Variants in TRAF3 observed in about 807,000 individuals in gnomAD.
TRAF3 encodes TNF receptor-associated factor 3.
TRAF3 carries 13 observed loss-of-function variants against 62.3 expected under a neutral mutation model. The observed-to-expected ratio is 0.21, with a 90% CI of 0.14 to 0.33. The LOEUF is 0.33. Among genes scored for constraint, TRAF3 ranks in the 10% least tolerant of loss-of-function variants. TRAF3 has a pLI of 1.00. For synonymous variants in TRAF3, 269 were observed against 283.4 expected (o/e 0.95, Z 0.51); for missense variants, 440 against 741.8 (o/e 0.59, Z 4.73).
rs928641148 is a variant in TRAF3 at position 102,826,407 on chromosome 14, C to T, written c.-156-3927C>T. Among the ~76,000 whole-genome samples the T allele has an allele frequency of 2.6e-5, 4 of 152,140 alleles. No homozygotes were observed. Among genetic ancestry groups the T allele is most frequent in the Non-Finnish European group, 4.4e-5 (3 of 68,028 alleles). On this transcript the variant is annotated intron_variant, in intron 1 of 11. Transcript: ENST00000392745. The surrounding 1 kb of genome is among the most constrained non-coding windows in gnomAD (Gnocchi z 4.6). ...TGACCGCCACTGCAGGGCTTCTGTGCGGGGGCAGCTGCAGAGCCGCCGCTT... is the reference window on the plus strand; with the variant it reads ...TGACCGCCACTGCAGGGCTTCTGTGTGGGGGCAGCTGCAGAGCCGCCGCTT...
At position 102,908,068 on chromosome 14, in the gene TRAF3, A is replaced by G. The variant is rs919474819; in HGVS notation, c.*2284A>G. On this transcript the variant is annotated 3_prime_UTR_variant, in exon 12 of 12. Coordinates refer to ENST00000392745, the MANE Select transcript of TRAF3 (RefSeq NM_145725.3). ...TCCCCTTCACAAAATGTATAATATT[A>G]GATGAAGGATATGCAACATCTTGGT... The G allele has an allele frequency of 3.3e-5, 5 of 152,280 alleles. No homozygotes were observed. The highest frequency in any genetic ancestry group is 1.2e-4 in the African/African-American group (5 of 41,478). The allele number at this position is 152,280 out of a possible 1,614,324, so 9.4% of individuals were successfully genotyped here.
chr14:102,812,592 C>CTAGT (rs1400343411), intron 1 of TRAF3, among the ~76,000 whole-genome samples: 3 of 152,252 alleles, frequency 2.0e-5, no homozygotes, highest in African/African-American at 7.2e-5. Flanking sequence ...AGTGGCTGTA[C>CTAGT]TAGTTTACAT....
At chr14:102,872,698 T>TCTTTTTTTTTTG (rs1003028312) in intron 4 of TRAF3, among the ~76,000 whole-genome samples, 1 of 115,734 alleles carries the variant, frequency 8.6e-6, no homozygotes, top group African/African-American at 6.4e-5. Flanking sequence ...TTCTTCTTTT[T>TCTTTTTTTTTTG]CTTTTTTTTT....
At chr14:102,901,845 A>G (rs1484073032) in intron 10 of TRAF3, among the ~76,000 whole-genome samples, 2 of 152,256 alleles carry the variant, frequency 1.3e-5, no homozygotes, top group Admixed American at 6.5e-5. Context: ...CAAAAGGAGA[A>G]GTGAATTCAG....
intron 1 of TRAF3, among the ~76,000 whole-genome samples, chr14:102,815,561 G>T (rs1899468037): frequency 6.6e-6 from 1 of 152,088 alleles, no homozygotes; most frequent in East Asian, 1.9e-4. Context: ...GTCAATTTTT[G>T]TGGTGTGAGA....
intron 1 of TRAF3, among the ~76,000 whole-genome samples, chr14:102,791,607 C>CAGA (rs1897794832): frequency 1.3e-5 from 2 of 152,104 alleles, no homozygotes; most frequent in Admixed American, 1.3e-4. Context: ...TTTCTTTATA[C>CAGA]AGAATCATGT....
rs1167951766 is a variant in TRAF3 at position 102,909,879 on chromosome 14, G to A, written c.*4095G>A. ...GGCGTCTGGTGGTAGTCAGCATGGTGGACCCACATCCTACAGCCAGAGGTG... is the reference window on the plus strand; with the variant it reads ...GGCGTCTGGTGGTAGTCAGCATGGTAGACCCACATCCTACAGCCAGAGGTG... On this transcript the variant is annotated 3_prime_UTR_variant, in exon 12 of 12. Coordinates refer to ENST00000392745, the MANE Select transcript of TRAF3 (RefSeq NM_145725.3). The A allele has an allele frequency of 6.6e-6, 1 of 152,268 alleles. No individual in the cohort carries two copies. The highest frequency in any genetic ancestry group is 1.5e-5 in the Non-Finnish European group (1 of 68,068). The allele number at this position is 152,268 out of a possible 1,614,324, so 9.4% of individuals were successfully genotyped here.
chr14:102,854,001 G>A (rs1644346918), intron 2 of TRAF3, among the ~76,000 whole-genome samples: 1 of 152,226 alleles, frequency 6.6e-6, no homozygotes, highest in East Asian at 1.9e-4. Context: ...CTATGAATTT[G>A]CCTATTCTGG....
At position 102,909,723 on chromosome 14, in the gene TRAF3, CT is replaced by C. The variant is rs1448631109; in HGVS notation, c.*3940del. 1 of 152,332 alleles carries C rather than the reference CT, an allele frequency of 6.6e-6. No homozygotes were observed. The highest frequency in any genetic ancestry group is 2.4e-5 in the African/African-American group (1 of 41,476). 9.4% of individuals were successfully genotyped at this position (152,332 alleles called of 1,614,324 possible). On this transcript the variant is annotated 3_prime_UTR_variant, in exon 12 of 12. Coordinates refer to ENST00000392745, the MANE Select transcript of TRAF3 (RefSeq NM_145725.3). Reference sequence around the variant, plus strand: ...GAGGATGCAGTTCTAGGCACAGCCCCTGGGACAGCCAGCTGCCTCCCAGACC... The same window carrying C: ...GAGGATGCAGTTCTAGGCACAGCCCCGGGACAGCCAGCTGCCTCCCAGACC...
chr14:102,853,062 C>T (rs780437587), intron 2 of TRAF3, among the ~76,000 whole-genome samples: 45 of 152,052 alleles, frequency 3.0e-4, no homozygotes, highest in East Asian at 5.8e-4. Flanking sequence ...CCACCACGTC[C>T]GGCTAATTTT....
chr14:102,885,204 TC>T (rs2139910697), intron 6 of TRAF3, among the ~76,000 whole-genome samples: 1 of 152,214 alleles, frequency 6.6e-6, no homozygotes, highest in Admixed American at 6.5e-5. Context: ...AGGACGAGCT[TC>T]CCTCGGGTGG....
intron 9 of TRAF3, 27 bp downstream of exon 9, chr14:102,891,444 TG>T (rs761854012): frequency 2.5e-6 from 4 of 1,594,322 alleles, no homozygotes; most frequent in Non-Finnish European, 3.4e-6. Flanking sequence ...CCTGCTGCTA[TG>T]GGATTTGTAT....
chr14:102,801,475 A>G (rs1898406875), intron 1 of TRAF3, among the ~76,000 whole-genome samples: 1 of 152,084 alleles, frequency 6.6e-6, no homozygotes, highest in South Asian at 2.1e-4. Flanking sequence ...ATGCCATGTT[A>G]GTGTGTTGGT....
At position 102,796,520 on chromosome 14, in the gene TRAF3, G is replaced by A. The variant is rs149952262; in HGVS notation, c.-157+18845G>A. Among the ~76,000 whole-genome samples the A allele has an allele frequency of 1.0e-3, 159 of 152,356 alleles. No homozygotes were observed. In the Middle Eastern group the frequency reaches 0.017, roughly 16 times the overall value. On this transcript the variant is annotated intron_variant, in intron 1 of 11. Transcript: ENST00000392745. ...TTCTAGAGGCCTGGACTTGCGACTA[G>A]TGTCTGAAGTGGGGATGGGGGGTGG...
At position 102,807,626 on chromosome 14, in the gene TRAF3, C is replaced by T. The variant is rs568084745; in HGVS notation, c.-156-22708C>T. On this transcript the variant is annotated intron_variant, in intron 1 of 11. Transcript: ENST00000392745. ...TGGATGATTCACAGGGACCTGCCCT[C>T]CTTCCCGCAGAGTTGGGGTTTTTGT... is the stretch of plus-strand genomic sequence containing the variant. Among the ~76,000 whole-genome samples, 28 of 152,300 alleles carry T rather than the reference C, an allele frequency of 1.8e-4. 1 individual carries two copies. The highest frequency in any genetic ancestry group is 1.5e-3 in the Admixed American group (23 of 15,298).
rs551023231 is a variant in TRAF3, at chr14:102,896,068, A to G, written c.820-1193A>G. Among the ~76,000 whole-genome samples the G allele has an allele frequency of 3.3e-4, 51 of 152,274 alleles. No individual in the cohort carries two copies. The South Asian group carries it at 6.8e-3, about 20-fold the overall frequency. On this transcript the variant is annotated intron_variant, in intron 9 of 11. Coordinates refer to ENST00000392745, the MANE Select transcript of TRAF3 (RefSeq NM_145725.3). ...TAGTAGGTTGTGACCAGCATTGTTTATATTTATGGGGTACAGTGTAATGTT... is the reference window on the plus strand; with the variant it reads ...TAGTAGGTTGTGACCAGCATTGTTTGTATTTATGGGGTACAGTGTAATGTT...
chr14:102,808,667 A>G (rs912839687), intron 1 of TRAF3, among the ~76,000 whole-genome samples: 1 of 152,222 alleles, frequency 6.6e-6, no homozygotes, highest in Non-Finnish European at 1.5e-5. Context: ...GACCCTAGCT[A>G]TAGACGCATT....
At chr14:102,806,356 G>C (rs575150177) in intron 1 of TRAF3, among the ~76,000 whole-genome samples, 3 of 152,262 alleles carry the variant, frequency 2.0e-5, no homozygotes, top group East Asian at 3.9e-4. Context: ...GGCACTTGGA[G>C]GCTAGAGTGC....
chr14:102,834,088 C>T (rs1885819772), intron 2 of TRAF3, among the ~76,000 whole-genome samples: 1 of 152,012 alleles, frequency 6.6e-6, no homozygotes. Context: ...CTTCACAGAA[C>T]TAGAAAAACA....
Sources: allele counts gnomAD v4.1 joint callset (sites outside exome capture counted in the v4.1 genomes callset), GRCh38; gene constraint gnomAD v4.1.1; non-coding constraint Gnocchi (gnomAD v3.1); transcripts MANE v1.5; gene names NCBI Gene and HGNC (gene_info 2026-07-23, HGNC 2026-07-21).